APBB2: variants seen among roughly 807,000 people sequenced by gnomAD.
APBB2 encodes the protein amyloid beta precursor protein binding family B member 2, also known as Fe65-like 1.
In APBB2, 38 loss-of-function variants were observed where a neutral mutation model predicts 82.5. The ratio of observed to expected loss-of-function variants is 0.46; its 90% CI spans 0.36 to 0.60. APBB2 has a LOEUF of 0.60. Among genes scored for constraint, APBB2 ranks in the 20% least tolerant of loss-of-function variants. The pLI, the probability that APBB2 is intolerant of heterozygous loss-of-function variation, is 0.00. For missense variants in APBB2, 772 were observed against 972.3 expected (o/e 0.79, Z 2.74); for synonymous variants, 341 against 368.2 (o/e 0.93, Z 0.85).
chr4:40,935,395 A>C (rs992018842), intron 7 of APBB2: 4 of 453,992 alleles, frequency 8.8e-6, no homozygotes, highest in Non-Finnish European at 1.5e-5. Flanking sequence ...AGAAGCAGAC[A>C]GTGAAGTTAT....
intron 4 of APBB2, among the ~76,000 whole-genome samples, chr4:41,054,184 A>C (rs138034079): frequency 6.6e-6 from 1 of 152,306 alleles, no homozygotes; most frequent in African/African-American, 2.4e-5. Flanking sequence ...CAGGCATCTT[A>C]TCAGCATTCA....
chr4:40,919,789 A>G (rs1780782437), intron 10 of APBB2, among the ~76,000 whole-genome samples: 1 of 152,250 alleles, frequency 6.6e-6, no homozygotes, highest in Admixed American at 6.5e-5. Flanking sequence ...TCTCTACAAC[A>G]CGTCTTGTTT....
At chr4:40,941,257 A>C in intron 7 of APBB2, among the ~76,000 whole-genome samples, 1 of 152,180 alleles carries the variant, frequency 6.6e-6, no homozygotes, top group East Asian at 1.9e-4. Flanking sequence ...CATGCTTTGA[A>C]ATTGGTTGAA....
intron 4 of APBB2, among the ~76,000 whole-genome samples, chr4:41,055,270 C>A (rs1727433991): frequency 6.6e-6 from 1 of 152,202 alleles, no homozygotes; most frequent in South Asian, 2.1e-4. Flanking sequence ...CCCTCCATCA[C>A]ACTCTTCATT....
intron 15 of APBB2, among the ~76,000 whole-genome samples, chr4:40,824,867 TC>T (rs1749335706): frequency 6.6e-6 from 1 of 152,064 alleles, no homozygotes; most frequent in African/African-American, 2.4e-5. Flanking sequence ...TCTGCATTTT[TC>T]CCCCACTCCC....
chr4:41,031,375 G>A (rs963640421), intron 5 of APBB2, among the ~76,000 whole-genome samples: 7 of 152,114 alleles, frequency 4.6e-5, no homozygotes, highest in African/African-American at 9.7e-5. Context: ...CTCATCAGTC[G>A]CCATTTGAAT....
chr4:41,137,323 CT>C (rs1200025457), intron 2 of APBB2, among the ~76,000 whole-genome samples: 1 of 151,496 alleles, frequency 6.6e-6, no homozygotes, highest in Non-Finnish European at 1.5e-5. Flanking sequence ...AAAACTTAAT[CT>C]TTTTTTTTCC....
At chr4:41,078,078 T>G (rs1345641670) in intron 3 of APBB2, among the ~76,000 whole-genome samples, 1 of 152,138 alleles carries the variant, frequency 6.6e-6, no homozygotes, top group Admixed American at 6.5e-5. Flanking sequence ...TGAAAAATAT[T>G]TACAGTGAAA....
At chr4:41,041,544 A>G (rs1721509630) in intron 4 of APBB2, among the ~76,000 whole-genome samples, 1 of 152,244 alleles carries the variant, frequency 6.6e-6, no homozygotes, top group South Asian at 2.1e-4. Flanking sequence ...TGGTCACTGC[A>G]TACCTGCTGT....
intron 3 of APBB2, among the ~76,000 whole-genome samples, chr4:41,081,756 A>C (rs760830879): frequency 6.6e-6 from 1 of 152,142 alleles, no homozygotes; most frequent in Non-Finnish European, 1.5e-5. Flanking sequence ...ATAATCTTTC[A>C]ACCATCTTAA....
intron 5 of APBB2, among the ~76,000 whole-genome samples, chr4:41,027,238 C>CA: frequency 1.2e-5 from 1 of 84,122 alleles, no homozygotes; most frequent in East Asian, 9.1e-4. Context: ...CTAGACTGAA[C>CA]CCCTGGTGTT....
intron 12 of APBB2, 187 bp downstream of exon 12, chr4:40,890,177 C>A (rs540573365): frequency 8.4e-5 from 59 of 700,920 alleles, no homozygotes; most frequent in Non-Finnish European, 1.2e-4. Flanking sequence ...ATACAGAAAC[C>A]AGGAAGGGAA....
chr4:40,913,428 T>C (rs1205571611), intron 10 of APBB2, among the ~76,000 whole-genome samples: 1 of 152,242 alleles, frequency 6.6e-6, no homozygotes, highest in African/African-American at 2.4e-5. Context: ...CCTTTGCACA[T>C]GAGTCCACTC....
intron 3 of APBB2, among the ~76,000 whole-genome samples, chr4:41,091,980 A>T (rs1039265287): frequency 6.6e-6 from 1 of 152,228 alleles, no homozygotes; most frequent in African/African-American, 2.4e-5. Flanking sequence ...ATCTGAACAC[A>T]ATTTATGTAA....
rs564703187 is a variant in APBB2, at chr4:41,170,581, A to C, written c.-416-27439T>G. On this transcript the variant is annotated intron_variant, in intron 1 of 17. Transcript: ENST00000508593. ...AAATAGCTGCCCAGTACTCTTCAGA[A>C]AAGTCAAGGTTATGAAAGACCAAGA... Among the ~76,000 whole-genome samples the C allele has an allele frequency of 3.0e-4, 45 of 152,370 alleles. No individual in the cohort carries two copies. In the Middle Eastern group the frequency reaches 0.01, roughly 35 times the overall value.
intron 12 of APBB2, among the ~76,000 whole-genome samples, chr4:40,854,884 G>A (rs1258656226): frequency 1.3e-5 from 2 of 151,988 alleles, no homozygotes; most frequent in African/African-American, 4.8e-5. Flanking sequence ...CAAGGAGGCT[G>A]CATGACTGAT....
intron 1 of APBB2, among the ~76,000 whole-genome samples, chr4:41,177,177 C>T (rs142288640): frequency 6.6e-6 from 1 of 152,288 alleles, no homozygotes; most frequent in Non-Finnish European, 1.5e-5. Flanking sequence ...ACCACAGATG[C>T]TATCTGCTCT....
At chr4:40,966,035 T>C (rs1412695608) in intron 6 of APBB2, among the ~76,000 whole-genome samples, 1 of 152,214 alleles carries the variant, frequency 6.6e-6, no homozygotes, top group Non-Finnish European at 1.5e-5. Context: ...AATATCCTAA[T>C]ATAACTCATA....
At chr4:41,053,109 C>A (rs1018849362) in intron 4 of APBB2, among the ~76,000 whole-genome samples, 1 of 152,156 alleles carries the variant, frequency 6.6e-6, no homozygotes, top group Non-Finnish European at 1.5e-5. Flanking sequence ...GGTAACTGCA[C>A]ATATTTTTAT....
Sources: allele counts gnomAD v4.1 joint callset (sites outside exome capture counted in the v4.1 genomes callset), GRCh38; gene constraint gnomAD v4.1.1; transcripts MANE v1.5; gene names NCBI Gene and HGNC (gene_info 2026-07-23, HGNC 2026-07-21).